CRIM1: variants seen among roughly 807,000 people sequenced by gnomAD.
CRIM1 encodes cysteine-rich motor neuron 1 protein.
CRIM1 carries 32 observed loss-of-function variants against 116.4 expected under a neutral mutation model. The observed-to-expected ratio is 0.27, with a 90% CI of 0.21 to 0.37. The LOEUF is 0.37. Ranked by LOEUF, CRIM1 falls within the 10% of genes least tolerant of loss-of-function variation. The pLI, the probability that CRIM1 is intolerant of heterozygous loss-of-function variation, is 1.00. For missense variants in CRIM1, 1,331 were observed against 1,354.8 expected (o/e 0.98, Z 0.28); for synonymous variants, 590 against 509.2 (o/e 1.16, Z -2.13).
intron 14 of CRIM1, among the ~76,000 whole-genome samples, chr2:36,540,662 G>T (rs1014906151): frequency 5.3e-5 from 8 of 150,276 alleles, no homozygotes; most frequent in Non-Finnish European, 1.0e-4. Flanking sequence ...TAGGGAATGG[G>T]GAGGCTTATT....
At chr2:36,545,302 C>T (rs1458018106) in intron 15 of CRIM1, among the ~76,000 whole-genome samples, 1 of 152,150 alleles carries the variant, frequency 6.6e-6, no homozygotes, top group Non-Finnish European at 1.5e-5. Flanking sequence ...AGTCAAATTC[C>T]TGGACCTAGT....
intron 11 of CRIM1, among the ~76,000 whole-genome samples, chr2:36,517,004 A>G (rs1348234858): frequency 6.6e-6 from 1 of 152,210 alleles, no homozygotes; most frequent in African/African-American, 2.4e-5. Context: ...GTTCCTACAC[A>G]TTCACAGAAA....
chr2:36,467,625 A>T (rs1296967556), intron 5 of CRIM1, among the ~76,000 whole-genome samples: 1 of 152,230 alleles, frequency 6.6e-6, no homozygotes, highest in African/African-American at 2.4e-5. Flanking sequence ...AGATAGTGAT[A>T]AAATATTTAT....
At chr2:36,538,098 G>C (rs1666682259) in intron 14 of CRIM1, among the ~76,000 whole-genome samples, 1 of 152,092 alleles carries the variant, frequency 6.6e-6, no homozygotes, top group South Asian at 2.1e-4. Context: ...CAACCACTGA[G>C]TGTACCCCAG....
Position 36,454,221 on chromosome 2 carries a change from A to G in CRIM1, c.870-10313A>G, listed in dbSNP as rs574642125. Among the ~76,000 whole-genome samples, 151 of 152,164 alleles carry G rather than the reference A, an allele frequency of 9.9e-4. 1 individual carries two copies. The highest frequency in any genetic ancestry group is 4.0e-3 in the South Asian group (19 of 4,804). ...TAGTGTACTTCTGGTGGGCTAACCT[A>G]TTAGTTTAAACTTAACACACTGTAT... is the stretch of plus-strand genomic sequence containing the variant. On this transcript the variant is annotated intron_variant, in intron 4 of 16. Transcript: ENST00000280527.
Position 36,395,936 on chromosome 2 carries a change from T to G in CRIM1, c.332-678T>G, listed in dbSNP as rs189069750. On this transcript the variant is annotated intron_variant, in intron 1 of 16. Coordinates refer to ENST00000280527, the MANE Select transcript of CRIM1 (RefSeq NM_016441.3). ...GGTCTCTATCAATAGAGTAAAAAATTAGCTTTTTAAAGAGAGTCTCACCCT... is the reference window on the plus strand; with the variant it reads ...GGTCTCTATCAATAGAGTAAAAAATGAGCTTTTTAAAGAGAGTCTCACCCT... 3.5e-3 allele frequency among the ~76,000 whole-genome samples: 530 copies of G among 152,268 alleles called. 9 individuals carry two copies. The highest frequency in any genetic ancestry group is 6.5e-4 in the Non-Finnish European group (44 of 68,014).
chr2:36,401,875 AGTT>A (rs1672429892), intron 2 of CRIM1, among the ~76,000 whole-genome samples: 1 of 152,192 alleles, frequency 6.6e-6, no homozygotes, highest in Non-Finnish European at 1.5e-5. Flanking sequence ...ACACTGTTGT[AGTT>A]GTTGAGGATA....
At chr2:36,504,781 C>T (rs1380600069) in intron 8 of CRIM1, among the ~76,000 whole-genome samples, 1 of 152,126 alleles carries the variant, frequency 6.6e-6, no homozygotes, top group Non-Finnish European at 1.5e-5. Context: ...ACGTAATATA[C>T]CTGCTTACTA....
intron 13 of CRIM1, among the ~76,000 whole-genome samples, chr2:36,534,055 A>G (rs1447810303): frequency 4.6e-5 from 6 of 130,014 alleles, no homozygotes; most frequent in African/African-American, 1.5e-4. Context: ...CAGAGGGAGA[A>G]GGAAGGAAGG....
At chr2:36,535,041 T>C (rs532775584) in intron 13 of CRIM1, among the ~76,000 whole-genome samples, 2 of 146,926 alleles carry the variant, frequency 1.4e-5, no homozygotes, top group East Asian at 4.1e-4. Context: ...AGGCTCAGTC[T>C]AAGTTCTTCC....
At chr2:36,497,178 A>G (rs537530221) in intron 7 of CRIM1, among the ~76,000 whole-genome samples, 1 of 152,334 alleles carries the variant, frequency 6.6e-6, no homozygotes, top group South Asian at 2.1e-4. Flanking sequence ...TGGTATGTGT[A>G]GATATGCTTA....
At chr2:36,448,379 A>G (rs1676413354) in intron 4 of CRIM1, among the ~76,000 whole-genome samples, 1 of 152,198 alleles carries the variant, frequency 6.6e-6, no homozygotes, top group African/African-American at 2.4e-5. Context: ...CAACTGGGCT[A>G]TTTCTCAAGA....
At chr2:36,368,289 C>T (rs1669727188) in intron 1 of CRIM1, among the ~76,000 whole-genome samples, 1 of 152,228 alleles carries the variant, frequency 6.6e-6, no homozygotes, top group South Asian at 2.1e-4. Context: ...CGCAAGCTCC[C>T]TCACCTCTGT....
rs72866826 is a variant in CRIM1, at chr2:36,485,534, G to T, written c.1372+5840G>T. On this transcript the variant is annotated intron_variant, in intron 7 of 16. Transcript: ENST00000280527. ...CTTCTAATGAGATTTCCACTGGGCT[G>T]CCAGAAAAGTCTGTACCAGGCACAT... Among the ~76,000 whole-genome samples, 576 of 152,296 alleles carry T rather than the reference G, an allele frequency of 3.8e-3. 3 individuals are homozygous for T. Among genetic ancestry groups the T allele is most frequent in the African/African-American group, 0.013 (548 of 41,554 alleles).
In CRIM1 at chr2:36,475,468, T is replaced by C. The variant is rs899256474; in HGVS notation, c.992-1421T>C. On this transcript the variant is annotated intron_variant, in intron 5 of 16. Coordinates refer to ENST00000280527, the MANE Select transcript of CRIM1 (RefSeq NM_016441.3). ...TGTTGAACTTGTTTATACATTCTGA[T>C]AGTTTTTTAGTGGATCCCTTAAAAC... Among the ~76,000 whole-genome samples the C allele has an allele frequency of 5.3e-5, 8 of 152,366 alleles. No homozygotes were observed. The East Asian group carries it at 9.6e-4, about 18-fold the overall frequency.
chr2:36,477,179 T>G, intron 6 of CRIM1, 108 bp downstream of exon 6: 1 of 928,578 alleles, frequency 1.1e-6, no homozygotes, highest in Non-Finnish European at 1.6e-6. Flanking sequence ...AATATTGAAG[T>G]TCCTTTTTTA....
At chr2:36,431,721 C>T (rs1674908101) in intron 2 of CRIM1, among the ~76,000 whole-genome samples, 2 of 152,256 alleles carry the variant, frequency 1.3e-5, no homozygotes, top group South Asian at 4.1e-4. Context: ...AGGAACTGAG[C>T]ATCCTTGGAA....
At chr2:36,484,389 C>T (rs1463115923) in intron 7 of CRIM1, among the ~76,000 whole-genome samples, 1 of 151,964 alleles carries the variant, frequency 6.6e-6, no homozygotes, top group African/African-American at 2.4e-5. Context: ...TTCTTAATGT[C>T]AGAGGGATCC....
At chr2:36,478,712 T>G (rs1255412335) in intron 6 of CRIM1, among the ~76,000 whole-genome samples, 1 of 152,236 alleles carries the variant, frequency 6.6e-6, no homozygotes, top group South Asian at 2.1e-4. Context: ...AGTAGTTGTT[T>G]GTTGAAGCCA....
Sources: gnomAD v4.1 joint callset for allele counts (sites outside exome capture counted in the v4.1 genomes callset) on GRCh38, gnomAD v4.1.1 for gene constraint, MANE v1.5 for transcripts, NCBI Gene and HGNC (gene_info 2026-07-23, HGNC 2026-07-21) for gene names.